Variants in KCNIP4 observed in about 807,000 individuals in gnomAD.
The protein encoded by KCNIP4 is potassium voltage-gated channel interacting protein 4, also known as Kv channel-interacting protein 4.
KCNIP4 carries 12 observed loss-of-function variants against 34.0 expected under a neutral mutation model. That is an observed-to-expected ratio of 0.35 (90% CI 0.23 to 0.57). The LOEUF (loss-of-function observed/expected upper bound fraction) is 0.57, where lower values mean the gene tolerates loss of function less well. KCNIP4 is among the 20% of genes least tolerant of loss of function. The pLI is 0.83. For synonymous variants in KCNIP4, 124 were observed against 102.2 expected (o/e 1.21, Z -1.29); for missense variants, 238 against 311.7 (o/e 0.76, Z 1.78).
chr4:21,514,963 A>G lies in KCNIP4; in HGVS notation c.61+433608T>C, dbSNP rs183496888. Among the ~76,000 whole-genome samples the G allele has an allele frequency of 3.3e-5, 5 of 152,314 alleles. No individual in the cohort carries two copies. In the East Asian group the frequency reaches 9.7e-4, roughly 29 times the overall value. The stretch of plus-strand genomic sequence containing the variant: ...CTTACTTCTATCCTAAACATGACCT[A>G]TGAAGTCCATTTGATTTAGCCACTA... On this transcript the variant is annotated intron_variant, in intron 1 of 8. Transcript: ENST00000382152.
chr4:21,939,992 A>C (rs1730111764), intron 1 of KCNIP4, among the ~76,000 whole-genome samples: 1 of 152,150 alleles, frequency 6.6e-6, no homozygotes, highest in Non-Finnish European at 1.5e-5. Context: ...CATCATGTAA[A>C]TTCCCAATAA....
chr4:20,985,085 C>T (rs1467070435), intron 1 of KCNIP4, among the ~76,000 whole-genome samples: 1 of 152,092 alleles, frequency 6.6e-6, no homozygotes, highest in African/African-American at 2.4e-5. Context: ...AACCTAAAAA[C>T]GGAGATGAAG....
chr4:21,011,589 G>A (rs1323737680), intron 1 of KCNIP4, among the ~76,000 whole-genome samples: 2 of 152,058 alleles, frequency 1.3e-5, no homozygotes, highest in African/African-American at 4.8e-5. Flanking sequence ...AGATCACAGG[G>A]CACATATGTG....
intron 1 of KCNIP4, among the ~76,000 whole-genome samples, chr4:21,437,447 G>T (rs369418541): frequency 6.6e-6 from 1 of 152,106 alleles, no homozygotes; most frequent in Non-Finnish European, 1.5e-5. Context: ...CCTTGAACTC[G>T]CCATGCAGCT....
intron 1 of KCNIP4, among the ~76,000 whole-genome samples, chr4:20,968,028 C>T (rs186420711): frequency 3.6e-3 from 548 of 151,954 alleles, no homozygotes; most frequent in African/African-American, 5.5e-3. Flanking sequence ...TGCAATCTAC[C>T]CATCTGACAA....
intron 1 of KCNIP4, among the ~76,000 whole-genome samples, chr4:21,137,638 T>C (rs956656032): frequency 6.6e-6 from 1 of 152,138 alleles, no homozygotes; most frequent in Non-Finnish European, 1.5e-5. Flanking sequence ...CCTCTGTTCA[T>C]CTGCTCAACA....
chr4:20,954,291 A>T (rs1363578200), intron 1 of KCNIP4, among the ~76,000 whole-genome samples: 1 of 152,140 alleles, frequency 6.6e-6, no homozygotes, highest in Non-Finnish European at 1.5e-5. Flanking sequence ...CATAGAGGAG[A>T]GTTGGAAAGA....
At chr4:21,348,967 T>C (rs905566883) in intron 1 of KCNIP4, among the ~76,000 whole-genome samples, 2 of 152,138 alleles carry the variant, frequency 1.3e-5, no homozygotes, top group African/African-American at 4.8e-5. Context: ...AAGATGCTTC[T>C]GCCTGAGAGA....
At chr4:21,458,686 C>A (rs927385061) in intron 1 of KCNIP4, among the ~76,000 whole-genome samples, 6 of 152,058 alleles carry the variant, frequency 3.9e-5, no homozygotes, top group Non-Finnish European at 8.8e-5. Context: ...GGCTATCTGA[C>A]TACTTTACTT....
chr4:21,676,191 T>C (rs905044066), intron 1 of KCNIP4, among the ~76,000 whole-genome samples: 2 of 152,182 alleles, frequency 1.3e-5, no homozygotes, highest in South Asian at 2.1e-4. Flanking sequence ...TTGAAACTTT[T>C]ACATTTTACT....
At chr4:20,796,944 G>C (rs1032395256) in intron 3 of KCNIP4, among the ~76,000 whole-genome samples, 15 of 152,300 alleles carry the variant, frequency 9.8e-5, no homozygotes, top group Non-Finnish European at 2.9e-5. Flanking sequence ...TTTCTCTTGA[G>C]TAAGTTATGA....
intron 1 of KCNIP4, among the ~76,000 whole-genome samples, chr4:21,664,362 A>G (rs1748676590): frequency 6.6e-6 from 1 of 152,146 alleles, no homozygotes; most frequent in Non-Finnish European, 1.5e-5. Flanking sequence ...TCAAACAAAA[A>G]ACAGAGGCAA....
intron 1 of KCNIP4, among the ~76,000 whole-genome samples, chr4:21,671,655 TGGAGCC>T (rs1749509521): frequency 6.6e-6 from 1 of 152,206 alleles, no homozygotes; most frequent in Non-Finnish European, 1.5e-5. Flanking sequence ...GATTGATTGA[TGGAGCC>T]CCTATTCTGA....
At chr4:21,922,137 A>C (rs1398822300) in intron 1 of KCNIP4, among the ~76,000 whole-genome samples, 1 of 152,198 alleles carries the variant, frequency 6.6e-6, no homozygotes, top group Non-Finnish European at 1.5e-5. Context: ...TTTCCTCCAG[A>C]TAGTCACATA....
chr4:20,758,930 C>A, intron 3 of KCNIP4, 40 bp from the exon 4 acceptor site: 1 of 1,554,664 alleles, frequency 6.4e-7, no homozygotes, highest in South Asian at 1.1e-5. Flanking sequence ...GCAAAGTGTT[C>A]ATAAAACTGA....
chr4:21,884,975 A>T (rs1276829247), intron 1 of KCNIP4, among the ~76,000 whole-genome samples: 1 of 152,038 alleles, frequency 6.6e-6, no homozygotes, highest in Non-Finnish European at 1.5e-5. Context: ...GTTATTTTCA[A>T]ACTTGATTAT....
At chr4:21,800,931 G>A (rs1053280595) in intron 1 of KCNIP4, among the ~76,000 whole-genome samples, 9 of 152,152 alleles carry the variant, frequency 5.9e-5, no homozygotes, top group Non-Finnish European at 8.8e-5. Context: ...CGTTTCTCAT[G>A]AGAAGTCTCT....
At chr4:21,474,252 T>C (rs2109813651) in intron 1 of KCNIP4, among the ~76,000 whole-genome samples, 1 of 152,304 alleles carries the variant, frequency 6.6e-6, no homozygotes, top group Non-Finnish European at 1.5e-5. Flanking sequence ...TGAAGGCCAC[T>C]GAGAATTGTG....
At chr4:21,668,945 C>G (rs983187698) in intron 1 of KCNIP4, among the ~76,000 whole-genome samples, 41 of 152,332 alleles carry the variant, frequency 2.7e-4, no homozygotes, top group African/African-American at 9.6e-4. Flanking sequence ...TCTCCCGTCT[C>G]TCCTTCTAGT....
Sources: gnomAD v4.1 joint callset for allele counts (sites outside exome capture counted in the v4.1 genomes callset) on GRCh38, gnomAD v4.1.1 for gene constraint, MANE v1.5 for transcripts, NCBI Gene and HGNC (gene_info 2026-07-23, HGNC 2026-07-21) for gene names.